PPEF1: variants seen among roughly 807,000 people sequenced by gnomAD.
PPEF1 encodes the protein serine/threonine-protein phosphatase with EF-hands 1.
PPEF1 carries 12 observed loss-of-function variants against 53.3 expected under a neutral mutation model. The ratio of observed to expected loss-of-function variants is 0.23; its 90% CI spans 0.14 to 0.36. The LOEUF (loss-of-function observed/expected upper bound fraction) is 0.36, where lower values mean the gene tolerates loss of function less well. PPEF1 is among the 10% of genes least tolerant of loss of function. The pLI, the probability that PPEF1 is intolerant of heterozygous loss-of-function variation, is 1.00. For missense variants in PPEF1, 334 were observed against 490.4 expected (o/e 0.68, Z 3.01); for synonymous variants, 165 against 176.7 (o/e 0.93, Z 0.52).
chrX:18,702,229 G>A (rs935412924), intron 6 of PPEF1, among the ~76,000 whole-genome samples: 2 of 110,954 alleles, frequency 1.8e-5, no homozygotes, highest in Non-Finnish European at 3.8e-5. Flanking sequence ...AGCCTGATGA[G>A]GCATCTGTTC....
At chrX:18,750,040 G>A in intron 4 of PPEF1, 88 bp downstream of exon 4, 2 of 878,532 alleles carry the variant, frequency 2.3e-6, no homozygotes. Context: ...CCACAGCAGA[G>A]ATGCATTTCT....
chrX:18,719,867 A>C (rs2044541687), intron 1 of PPEF1, among the ~76,000 whole-genome samples: 1 of 112,188 alleles, frequency 8.9e-6, no homozygotes, highest in African/African-American at 3.2e-5. Flanking sequence ...GGAGAACAGA[A>C]TGTATACACA....
At chrX:18,819,395 T>C (rs1372364944) in intron 13 of PPEF1, among the ~76,000 whole-genome samples, 1 of 112,032 alleles carries the variant, frequency 8.9e-6, no homozygotes, top group African/African-American at 3.2e-5. Context: ...TTAGGAGTTA[T>C]AAACAGGCCA....
intron 1 of PPEF1, among the ~76,000 whole-genome samples, chrX:18,683,645 A>G (rs1476252092): frequency 1.8e-5 from 2 of 111,978 alleles, no homozygotes; most frequent in South Asian, 3.7e-4. Flanking sequence ...CCTCTGCACT[A>G]TAGTGCCTGA....
At chrX:18,731,342 C>G in intron 2 of PPEF1, among the ~76,000 whole-genome samples, 1 of 112,054 alleles carries the variant, frequency 8.9e-6, no homozygotes, top group Admixed American at 9.5e-5. Context: ...AATCATATAT[C>G]TGTGTATCAC....
intron 13 of PPEF1, among the ~76,000 whole-genome samples, chrX:18,818,692 A>G (rs1289419496): frequency 9.0e-6 from 1 of 111,705 alleles, no homozygotes; most frequent in Non-Finnish European, 1.9e-5. Flanking sequence ...AGTATGCTAG[A>G]CTAGATGTTC....
intron 3 of PPEF1, among the ~76,000 whole-genome samples, chrX:18,688,018 G>T (rs1434597854): frequency 8.9e-6 from 1 of 111,761 alleles, no homozygotes; most frequent in Non-Finnish European, 1.9e-5. Flanking sequence ...AGGAAACTGA[G>T]GTTTAGAGGA....
At chrX:18,821,463 A>C (rs2047042537) in intron 13 of PPEF1, among the ~76,000 whole-genome samples, 1 of 110,733 alleles carries the variant, frequency 9.0e-6, no homozygotes. Context: ...GCTGGAGTGC[A>C]GTGGCACGAT....
chrX:18,703,921 CTTT>C (rs144154361), upstream of PPEF1, among the ~76,000 whole-genome samples: 168 of 88,342 alleles, frequency 1.9e-3, no homozygotes, highest in Middle Eastern at 6.2e-3. Flanking sequence ...AAAAACATAC[CTTT>C]TTTTTTTTTT....
chrX:18,776,209 GTGGTTGGTTGGT>G (rs564617999), intron 6 of PPEF1, among the ~76,000 whole-genome samples: 9 of 103,588 alleles, frequency 8.7e-5, no homozygotes, highest in South Asian at 4.2e-4. Flanking sequence ...CCCTTTCTTT[GTGGTTGGTTGGT>G]TGGTTGGTTG....
chrX:18,811,623 T>A (rs1405378891), intron 12 of PPEF1, among the ~76,000 whole-genome samples: 2 of 81,860 alleles, frequency 2.4e-5, no homozygotes, highest in African/African-American at 9.6e-5. Flanking sequence ...ATATTTTTTT[T>A]TTTTTTTTTT....
intron 12 of PPEF1, among the ~76,000 whole-genome samples, chrX:18,809,014 A>T (rs2046742718): frequency 9.0e-6 from 1 of 110,783 alleles, no homozygotes; most frequent in Non-Finnish European, 1.9e-5. Context: ...CCAAGTGTCT[A>T]TCAAGACAGA....
chrX:18,675,922 C>T (rs12846548), exon 1 of PPEF1: 1 of 88,177 alleles, frequency 1.1e-5, no homozygotes, highest in East Asian at 3.6e-4. Flanking sequence ...GCTCACCATT[C>T]TCAAGCTTGA....
At chrX:18,681,577 G>C (rs1184491055), upstream of PPEF1, among the ~76,000 whole-genome samples, 3 of 111,839 alleles carry the variant, frequency 2.7e-5, no homozygotes, top group Non-Finnish European at 5.6e-5. Context: ...AACGTGAGAT[G>C]ATGTAGAGGC....
chrX:18,823,136 G>C (rs373414687), intron 13 of PPEF1, among the ~76,000 whole-genome samples: 15 of 111,130 alleles, frequency 1.3e-4, no homozygotes, highest in African/African-American at 4.9e-4. Flanking sequence ...AGTGGGCAAA[G>C]GAGTCTTTTC....
At chrX:18,727,064 A>C (rs2044726830) in intron 1 of PPEF1, among the ~76,000 whole-genome samples, 1 of 112,614 alleles carries the variant, frequency 8.9e-6, no homozygotes, top group South Asian at 3.7e-4. Context: ...GCAGAGGCAC[A>C]GAAAAGATCA....
intron 15 of PPEF1, among the ~76,000 whole-genome samples, chrX:18,826,037 G>A (rs2047158901): frequency 8.9e-6 from 1 of 111,828 alleles, no homozygotes; most frequent in Admixed American, 9.5e-5. Flanking sequence ...CCTTCACCAG[G>A]CCCCAACAGA....
At position 18,827,577 on chromosome X, in the gene PPEF1, C is replaced by A; in HGVS notation, c.*90C>A. On this transcript the variant is annotated 3_prime_UTR_variant, in exon 16 of 16. Coordinates refer to ENST00000470157, the MANE Select transcript of PPEF1 (RefSeq NM_001377996.1). ...TTCCAACACCCCTGAAATTCATAGT[C>A]AGTAGCAGAGAAAAGCAGATCCCAA... 1.3e-6 allele frequency: 1 copy of A among 754,613 alleles called. No homozygotes were observed. Among genetic ancestry groups the A allele is most frequent in the Non-Finnish European group, 2.0e-6 (1 of 508,762 alleles). 62.2% of individuals were successfully genotyped at this position (754,613 alleles called of 1,213,427 possible). A position where few individuals can be genotyped will look rare whatever the true frequency, so the allele number is the denominator to read the frequency against.
chrX:18,826,815 C>CG (rs1419288927), intron 15 of PPEF1, among the ~76,000 whole-genome samples: 1 of 105,654 alleles, frequency 9.5e-6, no homozygotes, highest in African/African-American at 3.5e-5. Context: ...CTTTGAACAC[C>CG]GAAAAAAAAA....
Sources: allele counts gnomAD v4.1 joint callset (sites outside exome capture counted in the v4.1 genomes callset), GRCh38; gene constraint gnomAD v4.1.1; transcripts MANE v1.5; gene names NCBI Gene and HGNC (gene_info 2026-07-23, HGNC 2026-07-21).